SNTG1: variants seen among roughly 807,000 people sequenced by gnomAD.
The protein encoded by SNTG1 is gamma-1-syntrophin.
A neutral mutation model predicts 74.7 loss-of-function variants in SNTG1; 39 were observed. That is an observed-to-expected ratio of 0.52 (90% CI 0.40 to 0.68). The LOEUF is 0.68. Among genes scored for constraint, SNTG1 ranks in the 30% least tolerant of loss-of-function variants. The probability of loss-of-function intolerance (pLI) is 0.00; values close to 1 mark genes in which losing one functional copy is unlikely to be tolerated. For missense variants in SNTG1, 685 were observed against 609.5 expected, an observed-to-expected ratio of 1.12 and a Z score of -1.30; for synonymous variants, 254 against 217.1, an observed-to-expected ratio of 1.17 and a Z score of -1.49.
At chr8:50,759,496 AG>A (rs1458840676) in intron 18 of SNTG1, among the ~76,000 whole-genome samples, 3 of 152,010 alleles carry the variant, frequency 2.0e-5, no homozygotes, top group East Asian at 1.9e-4. Context: ...TAAAGTGTAA[AG>A]AAGGGGTCCA....
Position 50,254,948 on chromosome 8 carries a change from C to CTT in SNTG1, c.-28+82336_-28+82337dup, listed in dbSNP as rs4006072. Among the ~76,000 whole-genome samples the CTT allele has an allele frequency of 1.9e-3, 160 of 85,286 alleles. 2 individuals carry two copies. The highest frequency in any genetic ancestry group is 5.1e-3 in the African/African-American group (132 of 25,644). The allele number at this position is 85,286 out of a possible 152,430, so 56.0% of individuals were successfully genotyped here. ...GGCTTGATAATCTCTTTTATTGCCACTTTTTTTTTTTTTTTTTTTTTTTTG... is the reference window on the plus strand; with the variant it reads ...GGCTTGATAATCTCTTTTATTGCCACTTTTTTTTTTTTTTTTTTTTTTTTTTG... On this transcript the variant is annotated intron_variant, in intron 2 of 18. Coordinates refer to ENST00000642720, the MANE Select transcript of SNTG1 (RefSeq NM_018967.5).
intron 12 of SNTG1, among the ~76,000 whole-genome samples, chr8:50,582,682 T>A (rs1011892341): frequency 1.3e-5 from 2 of 152,190 alleles, no homozygotes; most frequent in East Asian, 1.9e-4. Flanking sequence ...ATAACATATT[T>A]TTTTTATTGA....
chr8:50,142,827 T>G (rs2081716648), intron 1 of SNTG1, among the ~76,000 whole-genome samples: 1 of 152,132 alleles, frequency 6.6e-6, no homozygotes, highest in African/African-American at 2.4e-5. Flanking sequence ...ATCCCAACAC[T>G]TTGGGAGGCC....
chr8:49,966,257 T>C (rs1295627137), intron 1 of SNTG1, among the ~76,000 whole-genome samples: 2 of 152,184 alleles, frequency 1.3e-5, no homozygotes, highest in African/African-American at 2.4e-5. Flanking sequence ...ATATTTATAG[T>C]TATTAGTCCA....
rs192703953 is a variant in SNTG1 at position 49,999,937 on chromosome 8, C to T, written c.-103+87706C>T. ...CCTCTATTTTGTTTCCTGTTGTATT[C>T]CCAGGGCCTCGATCAGTTCCTGGCT... On this transcript the variant is annotated intron_variant, in intron 1 of 18. Coordinates refer to ENST00000642720, the MANE Select transcript of SNTG1 (RefSeq NM_018967.5). Among the ~76,000 whole-genome samples the T allele has an allele frequency of 3.5e-3, 538 of 152,224 alleles. 3 individuals carry two copies. The highest frequency in any genetic ancestry group is 0.012 in the African/African-American group (512 of 41,536).
intron 2 of SNTG1, among the ~76,000 whole-genome samples, chr8:50,241,076 A>G (rs1428000107): frequency 6.6e-6 from 1 of 152,208 alleles, no homozygotes; most frequent in East Asian, 1.9e-4. Flanking sequence ...AGGAAGTTAG[A>G]GTAAGTAGAA....
chr8:49,948,355 T>C (rs1253057172), intron 1 of SNTG1, among the ~76,000 whole-genome samples: 4 of 152,332 alleles, frequency 2.6e-5, no homozygotes, highest in Admixed American at 2.6e-4. Flanking sequence ...TTTACTGTGG[T>C]GAGGAAGTTG....
chr8:50,653,268 A>G (rs2131248883), intron 13 of SNTG1, among the ~76,000 whole-genome samples: 1 of 151,742 alleles, frequency 6.6e-6, no homozygotes, highest in African/African-American at 2.4e-5. Context: ...ACATAGCAAA[A>G]CTCCGTCTCT....
In SNTG1 at chr8:50,647,336, T is replaced by G. The variant is rs935414764; in HGVS notation, c.850-9573T>G. On this transcript the variant is annotated intron_variant, in intron 13 of 18. Coordinates refer to ENST00000642720, the MANE Select transcript of SNTG1 (RefSeq NM_018967.5). ...TCTGATGAGGAACTGTTCCCTGAACTACACAGAGAACTCTTAAAACTCAAC... is the reference window on the plus strand; with the variant it reads ...TCTGATGAGGAACTGTTCCCTGAACGACACAGAGAACTCTTAAAACTCAAC... 1.3e-5 allele frequency among the ~76,000 whole-genome samples: 2 copies of G among 152,064 alleles called. 1 individual carries two copies. Among genetic ancestry groups the G allele is most frequent in the Admixed American group, 1.3e-4 (2 of 15,246 alleles).
chr8:50,484,102 C>CTTTCTTTCTTTCTT (rs1323657665), intron 8 of SNTG1, among the ~76,000 whole-genome samples: 15 of 110,870 alleles, frequency 1.4e-4, no homozygotes, highest in East Asian at 2.8e-4. Flanking sequence ...CTTTCTTTCT[C>CTTTCTTTCTTTCTT]TCTTTCTTTC....
At chr8:50,715,960 C>A (rs1374175941) in intron 17 of SNTG1, among the ~76,000 whole-genome samples, 1 of 152,110 alleles carries the variant, frequency 6.6e-6, no homozygotes, top group Non-Finnish European at 1.5e-5. Context: ...TAGAATCTTT[C>A]AAGGTAAAAT....
chr8:49,924,398 T>A (rs902298748), intron 1 of SNTG1, among the ~76,000 whole-genome samples: 1 of 152,194 alleles, frequency 6.6e-6, no homozygotes, highest in Non-Finnish European at 1.5e-5. Flanking sequence ...CAAATACAGA[T>A]AATAACCCAC....
chr8:50,452,478 T>C (rs2093466457), intron 8 of SNTG1, among the ~76,000 whole-genome samples: 1 of 152,208 alleles, frequency 6.6e-6, no homozygotes, highest in Non-Finnish European at 1.5e-5. Context: ...ACCAAGTGCA[T>C]TCTCTTTTAA....
intron 12 of SNTG1, among the ~76,000 whole-genome samples, chr8:50,557,944 A>T (rs982685152): frequency 6.6e-6 from 1 of 152,148 alleles, no homozygotes; most frequent in Non-Finnish European, 1.5e-5. Flanking sequence ...CTTGCAGTTC[A>T]CACATAAAAT....
intron 2 of SNTG1, among the ~76,000 whole-genome samples, chr8:50,195,139 T>C (rs1405894286): frequency 2.0e-5 from 3 of 152,030 alleles, no homozygotes; most frequent in African/African-American, 7.2e-5. Context: ...AGAATGCAAG[T>C]GAGGTTCCCA....
chr8:50,166,618 A>G (rs2082622042), intron 1 of SNTG1, among the ~76,000 whole-genome samples: 1 of 65,232 alleles, frequency 1.5e-5, no homozygotes. Flanking sequence ...AAAGTCAGGA[A>G]ACAACAGGTG....
At chr8:50,249,955 C>T (rs1476188670) in intron 2 of SNTG1, among the ~76,000 whole-genome samples, 1 of 151,608 alleles carries the variant, frequency 6.6e-6, no homozygotes, top group Non-Finnish European at 1.5e-5. Context: ...GGTTCTTTGT[C>T]TCTAGCAACA....
At chr8:50,591,003 A>G in intron 13 of SNTG1, 86 bp downstream of exon 13, 1 of 937,790 alleles carries the variant, frequency 1.1e-6, no homozygotes, top group Non-Finnish European at 1.5e-6. Context: ...TGATTTCTAG[A>G]CAGAAATAAT....
intron 15 of SNTG1, among the ~76,000 whole-genome samples, chr8:50,671,596 G>A (rs1310583685): frequency 6.6e-6 from 1 of 152,014 alleles, no homozygotes; most frequent in Admixed American, 6.6e-5. Context: ...ACTGGTGATG[G>A]GACTGTAAAC....
Sources: gnomAD v4.1 joint callset for allele counts (sites outside exome capture counted in the v4.1 genomes callset) on GRCh38, gnomAD v4.1.1 for gene constraint, MANE v1.5 for transcripts, NCBI Gene and HGNC (gene_info 2026-07-23, HGNC 2026-07-21) for gene names.